WDR72: variants seen among roughly 807,000 people sequenced by gnomAD.
WDR72 encodes WD repeat domain 72.
In WDR72, 120 loss-of-function variants were observed where a neutral mutation model predicts 124.2. That is an observed-to-expected ratio of 0.97 (90% CI 0.83 to 1.12). The LOEUF (loss-of-function observed/expected upper bound fraction) is 1.12, where lower values mean the gene tolerates loss of function less well. Ranked by LOEUF, WDR72 falls within the 50% of genes most tolerant of loss-of-function variation. The pLI is 0.00. For synonymous variants in WDR72, 452 were observed against 441.7 expected, an observed-to-expected ratio of 1.02 and a Z score of -0.29; for missense variants, 1,387 against 1,278.8, an observed-to-expected ratio of 1.08 and a Z score of -1.29.
intron 11 of WDR72, among the ~76,000 whole-genome samples, chr15:53,703,433 C>CT (rs1430379414): frequency 1.3e-5 from 2 of 150,540 alleles, no homozygotes; most frequent in South Asian, 2.1e-4. Flanking sequence ...ATTAATCTGC[C>CT]TTTTCTCCCT....
intron 12 of WDR72, among the ~76,000 whole-genome samples, chr15:53,701,536 GTCTC>G (rs370281315): frequency 3.0e-5 from 3 of 101,504 alleles, no homozygotes; most frequent in African/African-American, 1.1e-4. Context: ...GTGAGACCCT[GTCTC>G]TCTCTCTCTC....
At chr15:53,629,614 T>C (rs889929425) in intron 14 of WDR72, among the ~76,000 whole-genome samples, 1 of 152,194 alleles carries the variant, frequency 6.6e-6, no homozygotes, top group Non-Finnish European at 1.5e-5. Flanking sequence ...ACTGAAAATA[T>C]GCTCCTTCAA....
intron 9 of WDR72, among the ~76,000 whole-genome samples, chr15:53,706,346 G>GTATA (rs2017358723): frequency 2.0e-5 from 2 of 98,044 alleles, no homozygotes; most frequent in East Asian, 3.2e-4. Flanking sequence ...GTGTGTGTGT[G>GTATA]TGTGTATATA....
intron 18 of WDR72, among the ~76,000 whole-genome samples, chr15:53,535,819 T>C (rs1395850704): frequency 6.6e-6 from 1 of 152,124 alleles, no homozygotes; most frequent in Non-Finnish European, 1.5e-5. Flanking sequence ...AACCCACCTA[T>C]GGCACAAGAT....
chr15:53,643,437 T>A (rs1248987738), intron 14 of WDR72, among the ~76,000 whole-genome samples: 1 of 152,074 alleles, frequency 6.6e-6, no homozygotes, highest in Non-Finnish European at 1.5e-5. Context: ...TCTCCTTCTG[T>A]CCTTGAAAAG....
intron 9 of WDR72, among the ~76,000 whole-genome samples, chr15:53,708,070 G>A (rs920921423): frequency 2.0e-5 from 3 of 152,060 alleles, no homozygotes; most frequent in African/African-American, 4.8e-5. Flanking sequence ...CACACTCACC[G>A]CTTGGTCCCT....
At chr15:53,758,719 G>C (rs1045879904) in intron 1 of WDR72, among the ~76,000 whole-genome samples, 1 of 131,554 alleles carries the variant, frequency 7.6e-6, no homozygotes, top group Admixed American at 8.9e-5. Context: ...TCCCCAACAG[G>C]TGACCTAGTC....
At position 53,546,668 on chromosome 15, in the gene WDR72, A is replaced by G. The variant is rs537239245; in HGVS notation, c.3149-23346T>C. ...ACCCTAAAACATAAAGTATAATAAT[A>G]ATAAAAAAAAGAACAAAGAAAGAAA... On this transcript the variant is annotated intron_variant, in intron 18 of 19. Transcript: ENST00000360509. Among the ~76,000 whole-genome samples, 3 of 152,292 alleles carry G rather than the reference A, an allele frequency of 2.0e-5. No homozygotes were observed. The East Asian group carries it at 5.8e-4, about 29-fold the overall frequency.
rs532283132 is a variant in WDR72, at chr15:53,759,594, C to G, written c.-13+39G>C. The G allele has an allele frequency of 3.3e-5, 5 of 152,592 alleles. No individual in the cohort carries two copies. In the South Asian group the frequency reaches 1.0e-3, roughly 32 times the overall value. 9.5% of individuals were successfully genotyped at this position (152,592 alleles called of 1,614,324 possible). A position where few individuals can be genotyped will look rare whatever the true frequency, so the allele number is the denominator to read the frequency against. ...CAGACGAAGACCACCAGCCTGGGAC[C>G]CGGCAGCCCGACCTGCGCTCTGGGG... On this transcript the variant is annotated intron_variant, in intron 1 of 19. Coordinates refer to ENST00000360509, the MANE Select transcript of WDR72 (RefSeq NM_182758.4).
intron 10 of WDR72, 141 bp from the exon 11 acceptor site, chr15:53,705,374 T>G: frequency 2.6e-6 from 2 of 756,920 alleles, no homozygotes; most frequent in Non-Finnish European, 4.4e-6. Context: ...CATTCATCTC[T>G]TGGGAAGTTC....
chr15:53,720,327 A>T (rs2017842100), intron 3 of WDR72, among the ~76,000 whole-genome samples: 1 of 152,154 alleles, frequency 6.6e-6, no homozygotes, highest in Non-Finnish European at 1.5e-5. Context: ...ATTATATGCT[A>T]TTGTTGACCA....
rs114462078 is a variant in WDR72, at chr15:53,636,370, A to T, written c.1963-20127T>A. ...TATAAGTGGTTGTAAAGACAAAATA[A>T]ACTTTTAAATTCAACTTTTAAATAA... is the stretch of plus-strand genomic sequence containing the variant. On this transcript the variant is annotated intron_variant, in intron 14 of 19. Transcript: ENST00000360509. 1.9e-3 allele frequency among the ~76,000 whole-genome samples: 294 copies of T among 152,314 alleles called. 1 individual carries two copies. The highest frequency in any genetic ancestry group is 6.9e-3 in the African/African-American group (285 of 41,580).
intron 1 of WDR72, among the ~76,000 whole-genome samples, chr15:53,755,348 T>A (rs555783344): frequency 3.3e-5 from 5 of 152,386 alleles, no homozygotes; most frequent in Non-Finnish European, 5.9e-5. Context: ...GGCATCACAT[T>A]CATTATTTCC....
intron 9 of WDR72, among the ~76,000 whole-genome samples, chr15:53,708,597 C>A (rs911104295): frequency 2.0e-5 from 3 of 152,102 alleles, no homozygotes; most frequent in Non-Finnish European, 4.4e-5. Context: ...ACATCAGTTT[C>A]AACATGGGAT....
intron 18 of WDR72, among the ~76,000 whole-genome samples, chr15:53,548,959 C>G (rs1356332265): frequency 5.9e-5 from 9 of 152,080 alleles, no homozygotes; most frequent in African/African-American, 2.2e-4. Context: ...CAGAAAGAAT[C>G]TGGAGAAATT....
chr15:53,676,451 G>C (rs1298472825), intron 13 of WDR72, among the ~76,000 whole-genome samples: 1 of 152,212 alleles, frequency 6.6e-6, no homozygotes, highest in Non-Finnish European at 1.5e-5. Context: ...AGAGGAAGTC[G>C]AGATTTAAAA....
chr15:53,517,613 A>G lies in WDR72; in HGVS notation c.*86T>C. Reference sequence around the variant, plus strand: ...CAGCCTAATAACTTGACCAATAACAACAATGCTTTTATACAGTAATAAACA... The same window carrying G: ...CAGCCTAATAACTTGACCAATAACAGCAATGCTTTTATACAGTAATAAACA... On this transcript the variant is annotated 3_prime_UTR_variant, in exon 20 of 20. Coordinates refer to ENST00000360509, the MANE Select transcript of WDR72 (RefSeq NM_182758.4). 7.1e-7 allele frequency: 1 copy of G among 1,412,766 alleles called. No individual in the cohort carries two copies. The highest frequency in any genetic ancestry group is 1.0e-6 in the Non-Finnish European group (1 of 997,656). The allele number at this position is 1,412,766 out of a possible 1,614,324, so 87.5% of individuals were successfully genotyped here.
At chr15:53,555,723 A>G (rs1893905965) in intron 18 of WDR72, among the ~76,000 whole-genome samples, 1 of 152,056 alleles carries the variant, frequency 6.6e-6, no homozygotes, top group Non-Finnish European at 1.5e-5. Flanking sequence ...CAGACCACTT[A>G]TTTGATTATT....
chr15:53,629,820 C>A (rs1291656167), intron 14 of WDR72, among the ~76,000 whole-genome samples: 1 of 152,082 alleles, frequency 6.6e-6, no homozygotes, highest in Non-Finnish European at 1.5e-5. Flanking sequence ...AAACCAGCAG[C>A]CTACCAGCCA....
Sources: allele counts gnomAD v4.1 joint callset (sites outside exome capture counted in the v4.1 genomes callset), GRCh38; gene constraint gnomAD v4.1.1; transcripts MANE v1.5; gene names NCBI Gene and HGNC (gene_info 2026-07-23, HGNC 2026-07-21).